The following ZNF423 variants were observed in gnomAD, a reference collection of about 807,000 sequenced individuals.
The protein encoded by ZNF423 is zinc finger protein 423.
A neutral mutation model predicts 95.8 loss-of-function variants in ZNF423; 12 were observed. The observed-to-expected ratio is 0.13, with a 90% confidence interval of 0.08 to 0.20. The LOEUF (loss-of-function observed/expected upper bound fraction) is 0.20, where lower values mean the gene tolerates loss of function less well. ZNF423 is among the 10% of genes least tolerant of loss of function. ZNF423 has a pLI of 1.00. For synonymous variants in ZNF423, 749 were observed against 711.9 expected, an observed-to-expected ratio of 1.05 and a Z score of -0.83; for missense variants, 1,316 against 1,737.1, an observed-to-expected ratio of 0.76 and a Z score of 4.31.
intron 5 of ZNF423, among the ~76,000 whole-genome samples, chr16:49,583,849 G>A (rs1381287148): frequency 6.6e-6 from 1 of 152,154 alleles, no homozygotes; most frequent in Non-Finnish European, 1.5e-5. Context: ...GAATCCAAAT[G>A]TTTTCTGCTA....
At chr16:49,587,648 C>T (rs1970884356) in intron 5 of ZNF423, among the ~76,000 whole-genome samples, 1 of 152,004 alleles carries the variant, frequency 6.6e-6, no homozygotes, top group Non-Finnish European at 1.5e-5. Flanking sequence ...TCAGACATGC[C>T]TGAGGACAAG....
chr16:49,510,572 C>T (rs1300168669), intron 7 of ZNF423, among the ~76,000 whole-genome samples: 2 of 152,242 alleles, frequency 1.3e-5, no homozygotes, highest in Non-Finnish European at 2.9e-5. Context: ...GTGGGCAGAG[C>T]TGCCAGGAAA....
At chr16:49,631,324 TAC>T (rs573043636) in intron 4 of ZNF423, among the ~76,000 whole-genome samples, 96 of 152,186 alleles carry the variant, frequency 6.3e-4, no homozygotes, top group South Asian at 1.9e-3. Flanking sequence ...CATAGGCACA[TAC>T]ACACACAGGC....
chr16:49,550,882 C>T (rs910347778), intron 5 of ZNF423, among the ~76,000 whole-genome samples: 1 of 152,266 alleles, frequency 6.6e-6, no homozygotes, highest in African/African-American at 2.4e-5. Context: ...AGGCGAGGCA[C>T]TGCCTGCCTG....
At chr16:49,674,861 G>C (rs1213595165) in intron 3 of ZNF423, among the ~76,000 whole-genome samples, 1 of 152,144 alleles carries the variant, frequency 6.6e-6, no homozygotes, top group Non-Finnish European at 1.5e-5. Flanking sequence ...GAAAGGGACT[G>C]AGTCCCAGCC....
upstream of ZNF423, among the ~76,000 whole-genome samples, chr16:49,859,123 C>G (rs2035404114): frequency 6.6e-6 from 1 of 151,874 alleles, no homozygotes; most frequent in South Asian, 2.1e-4. Context: ...GTGTGCGGGA[C>G]GAAAGAGGGG....
chr16:49,631,127 C>T lies in ZNF423; in HGVS notation c.3516+4533G>A, dbSNP rs567910769. ...GGCCACACAGATGGGCATGTTCACA[C>T]TCATCCAGAGACCCTGCCTTCAGCT... On this transcript the variant is annotated intron_variant, in intron 4 of 7. Transcript: ENST00000563137. Among the ~76,000 whole-genome samples, 45 of 152,280 alleles carry T rather than the reference C, an allele frequency of 3.0e-4. 1 individual carries two copies. The South Asian group carries it at 6.6e-3, about 22-fold the overall frequency.
At chr16:49,728,252 T>C (rs1433195990) in intron 3 of ZNF423, among the ~76,000 whole-genome samples, 2 of 152,180 alleles carry the variant, frequency 1.3e-5, no homozygotes, top group African/African-American at 4.8e-5. Context: ...TGAGTAATCC[T>C]AAGAACCGAA....
chr16:49,683,209 C>T (rs57171346), intron 3 of ZNF423, among the ~76,000 whole-genome samples: 117 of 151,836 alleles, frequency 7.7e-4, no homozygotes, highest in African/African-American at 2.7e-3. Flanking sequence ...ATCAGTGGGG[C>T]ATTCAACAGT....
chr16:49,730,766 A>G lies in ZNF423; in HGVS notation c.301+5T>C, dbSNP rs777191340. 2 of 1,614,180 alleles carry G rather than the reference A, an allele frequency of 1.2e-6. No homozygotes were observed. Among genetic ancestry groups the G allele is most frequent in the Non-Finnish European group, 8.5e-7 (1 of 1,180,040 alleles). ...TGTCAGAGTCCTGGGGCTGTTTTGC[A>G]TTACCTCCAGGACAGCGGTGGGCCC... is the stretch of plus-strand genomic sequence containing the variant. On this transcript the variant is annotated splice_donor_5th_base_variant and intron_variant, in intron 3 of 7. Transcript: ENST00000563137.
Position 49,636,376 on chromosome 16 carries a change from T to A in ZNF423, c.2800A>T (p.Ile934Phe). Residue 934 changes from isoleucine (I) to phenylalanine (F), a missense_variant, in exon 4 of 8, where the codon ATC becomes TTC. Coordinates refer to ENST00000563137, the MANE Select transcript of ZNF423 (RefSeq NM_001379286.1). This position sits in a 1 kb window ranked among gnomAD's most constrained non-coding sequence, Gnocchi z 8.6. The stretch of plus-strand genomic sequence containing the variant: ...ACGTTGCACTTGTGACTGCCCTTGA[T>A]AAACTCAGCCTTCTTGCGTGAGCCA... Reference protein sequence around the residue: ...DDGSRKKAEFIKGSHKCNVCS... With the variant: ...DDGSRKKAEFFKGSHKCNVCS... 1.9e-6 allele frequency: 3 copies of A among 1,613,062 alleles called. No individual in the cohort carries two copies. The highest frequency in any genetic ancestry group is 2.5e-6 in the Non-Finnish European group (3 of 1,180,012).
In ZNF423 at chr16:49,637,802, C is replaced by T; in HGVS notation, c.1374G>A (p.Met458Ile). 6.2e-7 allele frequency: 1 copy of T among 1,614,098 alleles called. No individual in the cohort carries two copies. The highest frequency in any genetic ancestry group is 8.5e-7 in the Non-Finnish European group (1 of 1,180,028). Reference protein sequence around the residue: ...SHTCQICLDSMPTLYNLNEHV... With the variant: ...SHTCQICLDSIPTLYNLNEHV... Reference sequence around the variant, plus strand: ...GCTCGTTGAGGTTGTAGAGGGTGGGCATGGAGTCCAGGCAGATCTGACATG... The same window carrying T: ...GCTCGTTGAGGTTGTAGAGGGTGGGTATGGAGTCCAGGCAGATCTGACATG... The change falls in exon 4 of 8, where the codon ATG (methionine) becomes ATA (isoleucine). Residue 458 changes from methionine (M) to isoleucine (I), a missense_variant. Coordinates refer to ENST00000563137, the MANE Select transcript of ZNF423 (RefSeq NM_001379286.1). This position sits in a 1 kb window ranked among gnomAD's most constrained non-coding sequence, Gnocchi z 5.6.
rs1245022491 is a variant in ZNF423, at chr16:49,492,656, C to A, written c.3850-1352G>T. Among the ~76,000 whole-genome samples the A allele has an allele frequency of 6.6e-6, 1 of 152,238 alleles. No homozygotes were observed. Among genetic ancestry groups the A allele is most frequent in the Admixed American group, 6.5e-5 (1 of 15,288 alleles). ...GCCCGCGCCTGCCTCCCAGCAGATG[C>A]CCACAGCGCCAAGCGACAGCCTCGT... On this transcript the variant is annotated intron_variant, in intron 7 of 7. Transcript: ENST00000563137. The surrounding 1 kb of genome is among the most constrained non-coding windows in gnomAD (Gnocchi z 4.2).
chr16:49,512,921 C>A (rs2039731505), intron 7 of ZNF423, among the ~76,000 whole-genome samples: 2 of 152,178 alleles, frequency 1.3e-5, no homozygotes, highest in South Asian at 2.1e-4. Context: ...CATGGTGAAA[C>A]CCCTGTCTCT....
In ZNF423 at chr16:49,540,441, A is replaced by AT. The variant is rs5816647; in HGVS notation, c.3602-14948dup. On this transcript the variant is annotated intron_variant, in intron 5 of 7. Coordinates refer to ENST00000563137, the MANE Select transcript of ZNF423 (RefSeq NM_001379286.1). ...AGGCACAGGCCACCATGCCCCACTC[A>AT]TTTTTTTTTTTCTTTTTTTGGTAGA... Among the ~76,000 whole-genome samples the AT allele has an allele frequency of 2.3e-3, 332 of 144,926 alleles. 1 individual carries two copies. Among genetic ancestry groups the AT allele is most frequent in the Middle Eastern group, 3.6e-3 (1 of 278 alleles).
chr16:49,836,153 C>T (rs2035117503), intron 1 of ZNF423, among the ~76,000 whole-genome samples: 1 of 152,236 alleles, frequency 6.6e-6, no homozygotes, highest in African/African-American at 2.4e-5. Flanking sequence ...ACACCTCCAA[C>T]TTCGCACCTA....
chr16:49,709,206 G>A (rs1160000967), intron 3 of ZNF423, among the ~76,000 whole-genome samples: 1 of 129,532 alleles, frequency 7.7e-6, no homozygotes, highest in Non-Finnish European at 1.6e-5. Flanking sequence ...TCGGAGCCCT[G>A]GGGGAAAGCC....
At chr16:49,620,220 TACACATACACACACAG>T (rs72384942) in intron 5 of ZNF423, among the ~76,000 whole-genome samples, 7,427 of 143,482 alleles carry the variant, frequency 0.052, 224 homozygotes, top group Non-Finnish European at 0.074. Flanking sequence ...GACACACACA[TACACATACACACACAG>T]ACACATACAC....
chr16:49,701,985 C>A (rs1174245803), intron 3 of ZNF423, among the ~76,000 whole-genome samples: 1 of 152,170 alleles, frequency 6.6e-6, no homozygotes, highest in Non-Finnish European at 1.5e-5. Context: ...GGACTTCCAA[C>A]AATATAACCC....
Sources: allele counts gnomAD v4.1 joint callset (sites outside exome capture counted in the v4.1 genomes callset), GRCh38; gene constraint gnomAD v4.1.1; non-coding constraint Gnocchi (gnomAD v3.1); transcripts MANE v1.5; gene names NCBI Gene and HGNC (gene_info 2026-07-23, HGNC 2026-07-21).